The following PHKA1 variants were observed in gnomAD, a reference collection of about 807,000 sequenced individuals.
PHKA1 encodes the protein phosphorylase b kinase regulatory subunit alpha, skeletal muscle isoform.
In PHKA1, 60 loss-of-function variants were observed where a neutral mutation model predicts 110.2. The ratio of observed to expected loss-of-function variants is 0.54; its 90% CI spans 0.44 to 0.68. The LOEUF (loss-of-function observed/expected upper bound fraction) is 0.68, where lower values mean the gene tolerates loss of function less well. Among genes scored for constraint, PHKA1 ranks in the 30% least tolerant of loss-of-function variants. The pLI, the probability that PHKA1 is intolerant of heterozygous loss-of-function variation, is 0.00. For synonymous variants in PHKA1, 316 were observed against 333.6 expected, an observed-to-expected ratio of 0.95 and a Z score of 0.58; for missense variants, 801 against 942.5, an observed-to-expected ratio of 0.85 and a Z score of 1.97.
chrX:72,649,460 G>T (rs1435964618), intron 13 of PHKA1, among the ~76,000 whole-genome samples: 1 of 112,120 alleles, frequency 8.9e-6, no homozygotes, highest in Non-Finnish European at 1.9e-5. Context: ...TGTTTGAAAT[G>T]TAAATGGCAC....
chrX:72,708,024 T>G lies in PHKA1; in HGVS notation c.238-2779A>C, dbSNP rs782305407. 19 of 111,164 alleles carry G rather than the reference T, an allele frequency of 1.7e-4. No homozygotes were observed. In the East Asian group the frequency reaches 5.4e-3, roughly 32 times the overall value. 9.2% of individuals were successfully genotyped at this position (111,164 alleles called of 1,213,427 possible). ...GGGACCACAGAAAAAGTGGGATTGGTGCTAGGCTTTCAAAGGATATTAGTT... is the reference window on the plus strand; with the variant it reads ...GGGACCACAGAAAAAGTGGGATTGGGGCTAGGCTTTCAAAGGATATTAGTT... On this transcript the variant is annotated intron_variant, in intron 2 of 31. Coordinates refer to ENST00000373542, the MANE Select transcript of PHKA1 (RefSeq NM_002637.4).
intron 13 of PHKA1, 88 bp from the exon 14 acceptor site, chrX:72,644,584 A>G (rs943992757): frequency 2.1e-5 from 18 of 838,871 alleles, no homozygotes; most frequent in Non-Finnish European, 3.1e-5. Context: ...TTTCTTTTAA[A>G]GAGAAAAAAA....
chrX:72,581,510 C>T (rs1482356490), intron 31 of PHKA1, among the ~76,000 whole-genome samples: 3 of 111,511 alleles, frequency 2.7e-5, no homozygotes, highest in African/African-American at 9.8e-5. Context: ...CACAAATCAC[C>T]GTAGTAGAGC....
Position 72,580,947 on chromosome X carries a change from A to G in PHKA1, c.*55T>C. On this transcript the variant is annotated 3_prime_UTR_variant, in exon 32 of 32. Transcript: ENST00000373542. ...TAACATTTTAGTTCCATGCACAATCAACCGAGGCAGGGACCAGCTGTCAAA... is the reference window on the plus strand; with the variant it reads ...TAACATTTTAGTTCCATGCACAATCGACCGAGGCAGGGACCAGCTGTCAAA... 1 of 1,077,693 alleles carries G rather than the reference A, an allele frequency of 9.3e-7. No individual in the cohort carries two copies. Among genetic ancestry groups the G allele is most frequent in the Non-Finnish European group, 1.3e-6 (1 of 778,696 alleles). The allele number at this position is 1,077,693 out of a possible 1,213,427, so 88.8% of individuals were successfully genotyped here.
At chrX:72,643,636 C>G (rs1307263656) in intron 14 of PHKA1, among the ~76,000 whole-genome samples, 2 of 111,786 alleles carry the variant, frequency 1.8e-5, no homozygotes, top group Admixed American at 1.9e-4. Context: ...GTTGTCACAT[C>G]TCCTACTTTT....
At position 72,713,819 on chromosome X, in the gene PHKA1, G is replaced by A. The variant is rs1423827049; in HGVS notation, c.62C>T (p.Thr21Ile). 1.7e-6 allele frequency: 2 copies of A among 1,204,428 alleles called. No individual in the cohort carries two copies. Among genetic ancestry groups the A allele is most frequent in the African/African-American group, 3.5e-5 (2 of 57,163 alleles). ...LDGYARLVQQ[T>I]ILCHQNPVTG... Reference sequence around the variant, plus strand: ...TGCAGTTACCTGATGGCACAGGATGGTCTGTTGCACCAGTCGAGCGTAGCC... The same window carrying A: ...TGCAGTTACCTGATGGCACAGGATGATCTGTTGCACCAGTCGAGCGTAGCC... The change falls in exon 1 of 32, where the codon ACC (threonine) becomes ATC (isoleucine). Residue 21 changes from threonine to isoleucine, a missense_variant. By Grantham distance (89) the Thr-to-Ile change is moderately conservative. Transcript: ENST00000373542.
chrX:72,579,550 T>C lies in PHKA1; in HGVS notation c.*1452A>G, dbSNP rs782700376. ...GAAACATTTGTCAAGCAAGGCTACC[T>C]ACATATGGGATGAAGGAAGAGGACT... On this transcript the variant is annotated 3_prime_UTR_variant, in exon 32 of 32. Transcript: ENST00000373542. 10 of 112,049 alleles carry C rather than the reference T, an allele frequency of 8.9e-5. No individual in the cohort carries two copies. Among genetic ancestry groups the C allele is most frequent in the Non-Finnish European group, 1.5e-4 (8 of 53,230 alleles). 9.2% of individuals were successfully genotyped at this position (112,049 alleles called of 1,213,427 possible). A position where few individuals can be genotyped will look rare whatever the true frequency, so the allele number is the denominator to read the frequency against.
intron 18 of PHKA1, chrX:72,622,646 A>G: frequency 2.7e-6 from 2 of 752,350 alleles, no homozygotes; most frequent in Non-Finnish European, 3.1e-6. Context: ...CATACTGAAT[A>G]GGCTTTTTCA....
At chrX:72,673,440 T>C (rs1392279824) in intron 6 of PHKA1, among the ~76,000 whole-genome samples, 1 of 111,477 alleles carries the variant, frequency 9.0e-6, no homozygotes, top group African/African-American at 3.3e-5. Flanking sequence ...TCACAAATGA[T>C]TACAAAATAA....
rs1481581858 is a variant in PHKA1 at position 72,653,592 on chromosome X, G to A, written c.1042-62C>T. On this transcript the variant is annotated intron_variant, in intron 10 of 31. Coordinates refer to ENST00000373542, the MANE Select transcript of PHKA1 (RefSeq NM_002637.4). ...AGAGAGTCCCTTTGGGGACCCAGGA[G>A]AAGGTTGCAGCCAAAGAAGGTCCTA... The A allele has an allele frequency of 9.4e-6, 7 of 742,680 alleles. No homozygotes were observed. In the African/African-American group the frequency reaches 1.5e-4, roughly 16 times the overall value. 61.2% of individuals were successfully genotyped at this position (742,680 alleles called of 1,213,427 possible).
rs1556302006 is a variant in PHKA1, at chrX:72,657,589, T to G, written c.917A>C (p.Glu306Ala). Residue 306 changes from glutamate to alanine, a missense_variant and splice_region_variant, in exon 9 of 32, where the codon GAG becomes GCG. Glu to Ala is a moderately radical substitution (Grantham distance 107, BLOSUM62 -1). Around this residue, in one of 2 missense-constraint regions of PHKA1, gnomAD observed 299 missense variants for 423.3 expected, o/e 0.71. Transcript: ENST00000373542. ...FLRDGYKTPK[E>A]DPNRLYYEPA... ...TCATTTTGGAGAAAAGAAACCTACC[T>G]CTTTAGGAGTTTTATATCCATCTCG... The G allele has an allele frequency of 8.3e-7, 1 of 1,203,121 alleles. No individual in the cohort carries two copies. Among genetic ancestry groups the G allele is most frequent in the Non-Finnish European group, 1.1e-6 (1 of 887,950 alleles).
At chrX:72,619,491 A>G (rs1335716719) in intron 19 of PHKA1, among the ~76,000 whole-genome samples, 186 bp from the exon 20 acceptor site, 1 of 112,286 alleles carries the variant, frequency 8.9e-6, no homozygotes, top group Admixed American at 9.5e-5. Context: ...ATAATGTGCA[A>G]TTAATAAGTA....
At chrX:72,626,916 A>G (rs781936519) in intron 17 of PHKA1, 55 bp downstream of exon 17, 1 of 934,065 alleles carries the variant, frequency 1.1e-6, no homozygotes, top group South Asian at 2.0e-5. Flanking sequence ...CCACTACTAT[A>G]TCCAGCCCCT....
intron 28 of PHKA1, among the ~76,000 whole-genome samples, chrX:72,600,276 AAACTT>A (rs1356797357): frequency 9.0e-6 from 1 of 111,228 alleles, no homozygotes; most frequent in Non-Finnish European, 1.9e-5. Flanking sequence ...TGTTTAGAAA[AAACTT>A]AAATGATGTA....
At position 72,598,825 on chromosome X, in the gene PHKA1, T is replaced by G. The variant is rs184910059; in HGVS notation, c.3072+3166A>C. On this transcript the variant is annotated intron_variant, in intron 28 of 31. Transcript: ENST00000373542. ...ATAATAGAAATATTTTCTGAGAAAA[T>G]AACTTCTCACGTTTTAATTTGGGCC... 3.2e-3 allele frequency among the ~76,000 whole-genome samples: 356 copies of G among 111,066 alleles called. 1 individual carries two copies. The highest frequency in any genetic ancestry group is 0.011 in the African/African-American group (343 of 30,624).
intron 19 of PHKA1, among the ~76,000 whole-genome samples, 198 bp downstream of exon 19, chrX:72,620,527 C>T (rs2052961224): frequency 8.9e-6 from 1 of 112,076 alleles, no homozygotes; most frequent in Admixed American, 9.4e-5. Flanking sequence ...CATAGCACTA[C>T]CTGCAGCATA....
intron 14 of PHKA1, among the ~76,000 whole-genome samples, chrX:72,639,405 A>G (rs933158882): frequency 3.6e-5 from 4 of 111,080 alleles, no homozygotes; most frequent in Non-Finnish European, 7.6e-5. Flanking sequence ...GCATGGTGGC[A>G]GGCACCTGTA....
chrX:72,619,000 C>T, intron 20 of PHKA1, 151 bp from the exon 21 acceptor site: 1 of 598,772 alleles, frequency 1.7e-6, no homozygotes. Flanking sequence ...TGAAACCTTC[C>T]AGATGTATAA....
intron 13 of PHKA1, among the ~76,000 whole-genome samples, chrX:72,648,222 T>C (rs2053384230): frequency 1.8e-5 from 2 of 111,436 alleles, no homozygotes; most frequent in Admixed American, 1.9e-4. Flanking sequence ...TAGAGAATGC[T>C]GGGGAAGAAG....
Sources: gnomAD v4.1 joint callset for allele counts (sites outside exome capture counted in the v4.1 genomes callset) on GRCh38, gnomAD v4.1.1 for gene constraint, gnomAD v4.1.1 regional missense constraint, MANE v1.5 for transcripts, NCBI Gene and HGNC (gene_info 2026-07-23, HGNC 2026-07-21) for gene names.